Variants in TPD52L1 observed in about 807,000 individuals in gnomAD.
TPD52L1 encodes the protein tumor protein D53.
A neutral mutation model predicts 28.7 loss-of-function variants in TPD52L1; 18 were observed. That is an observed-to-expected ratio of 0.63 (90% CI 0.43 to 0.93). TPD52L1 has a LOEUF of 0.93. Among genes scored for constraint, TPD52L1 ranks in the 40% least tolerant of loss-of-function variants. The pLI is 0.00. For synonymous variants in TPD52L1, 75 were observed against 88.8 expected, an observed-to-expected ratio of 0.84 and a Z score of 0.88; for missense variants, 203 against 254.8, an observed-to-expected ratio of 0.80 and a Z score of 1.39.
At chr6:125,213,876 C>G (rs6569419) in intron 1 of TPD52L1, among the ~76,000 whole-genome samples, 10,157 of 151,974 alleles carry the variant, frequency 0.067, 1,105 homozygotes, top group African/African-American at 0.23. Flanking sequence ...GGTGGCATGC[C>G]CAAAAGGGAT....
chr6:125,239,341 G>T (rs537064096), intron 3 of TPD52L1, among the ~76,000 whole-genome samples: 148 of 152,144 alleles, frequency 9.7e-4, no homozygotes, highest in Non-Finnish European at 1.7e-3. Context: ...CCCAAGATTG[G>T]GTAATTTATA....
At chr6:125,254,677 C>T (rs1387132423) in intron 5 of TPD52L1, among the ~76,000 whole-genome samples, 6 of 152,126 alleles carry the variant, frequency 3.9e-5, no homozygotes, top group East Asian at 1.9e-4. Context: ...TTGAGACCGC[C>T]GAAGCCAAAT....
Position 125,263,226 on chromosome 6 carries a change from A to G in TPD52L1, c.*264A>G. On this transcript the variant is annotated 3_prime_UTR_variant, in exon 7 of 7. Transcript: ENST00000534000. Reference sequence around the variant, plus strand: ...CTTGAGCAGGTACACAACTGGTCATAATTCCTGTCTGTGTAATTCGATGTA... The same window carrying G: ...CTTGAGCAGGTACACAACTGGTCATGATTCCTGTCTGTGTAATTCGATGTA... 6.9e-6 allele frequency: 3 copies of G among 436,232 alleles called. No individual in the cohort carries two copies. The highest frequency in any genetic ancestry group is 1.2e-5 in the Non-Finnish European group (3 of 245,290). The allele number at this position is 436,232 out of a possible 1,614,324, so 27.0% of individuals were successfully genotyped here. A position where few individuals can be genotyped will look rare whatever the true frequency, so the allele number is the denominator to read the frequency against.
chr6:125,244,751 G>T (rs1730633519), intron 3 of TPD52L1, among the ~76,000 whole-genome samples: 1 of 152,112 alleles, frequency 6.6e-6, no homozygotes, highest in East Asian at 1.9e-4. Flanking sequence ...CTTCTTTAAG[G>T]TCCTACACAA....
chr6:125,236,233 T>A (rs2115004715), intron 3 of TPD52L1, among the ~76,000 whole-genome samples: 1 of 152,324 alleles, frequency 6.6e-6, no homozygotes, highest in African/African-American at 2.4e-5. Flanking sequence ...TCTTTAACAC[T>A]GCATTAAACT....
chr6:125,222,835 A>G (rs1795336561), intron 2 of TPD52L1, among the ~76,000 whole-genome samples: 1 of 152,214 alleles, frequency 6.6e-6, no homozygotes, highest in Non-Finnish European at 1.5e-5. Flanking sequence ...ATTCTCTTAC[A>G]CAAACGCCTT....
chr6:125,226,711 C>T (rs1795633207), intron 2 of TPD52L1, among the ~76,000 whole-genome samples: 1 of 151,066 alleles, frequency 6.6e-6, no homozygotes, highest in Non-Finnish European at 1.5e-5. Context: ...ATTTCAGTCA[C>T]TCTAAATGAA....
At chr6:125,225,031 C>T (rs892102697) in intron 2 of TPD52L1, among the ~76,000 whole-genome samples, 4 of 152,142 alleles carry the variant, frequency 2.6e-5, no homozygotes, top group African/African-American at 9.7e-5. Context: ...CTCTGGCAGC[C>T]GCCAGTCTTC....
At chr6:125,182,055 C>T (rs1792231118) in intron 1 of TPD52L1, among the ~76,000 whole-genome samples, 1 of 152,188 alleles carries the variant, frequency 6.6e-6, no homozygotes, top group Admixed American at 6.5e-5. Flanking sequence ...CACAGATGTA[C>T]TTCTCTGCAG....
chr6:125,235,620 G>C (rs954209558), intron 3 of TPD52L1, among the ~76,000 whole-genome samples: 1 of 152,080 alleles, frequency 6.6e-6, no homozygotes, highest in Non-Finnish European at 1.5e-5. Context: ...TGGGGTCTCT[G>C]ATTACTTTGT....
Position 125,231,613 on chromosome 6 carries a change from TTG to T in TPD52L1, c.284+2349_284+2350del, listed in dbSNP as rs1795953097. ...TAGGAAGACAGAGTTTGAGTTTTTG[TTG>T]TTGTTGTTGTTGTTGTTGTTTGTTT... On this transcript the variant is annotated intron_variant, in intron 3 of 6. Coordinates refer to ENST00000534000, the MANE Select transcript of TPD52L1 (RefSeq NM_003287.4). Among the ~76,000 whole-genome samples the T allele has an allele frequency of 1.6e-4, 6 of 37,830 alleles. No homozygotes were observed. The South Asian group carries it at 5.8e-3, about 37-fold the overall frequency. 24.8% of individuals were successfully genotyped at this position (37,830 alleles called of 152,430 possible).
At chr6:125,216,824 G>A (rs1345084424) in intron 1 of TPD52L1, among the ~76,000 whole-genome samples, 3 of 151,918 alleles carry the variant, frequency 2.0e-5, no homozygotes, top group Admixed American at 6.6e-5. Flanking sequence ...GTTTGTTACC[G>A]TGTTGGCAGT....
intron 1 of TPD52L1, among the ~76,000 whole-genome samples, chr6:125,173,366 T>C (rs1791619210): frequency 6.6e-6 from 1 of 152,174 alleles, no homozygotes; most frequent in Non-Finnish European, 1.5e-5. Context: ...CTATTGTAAA[T>C]CTAAATTTTT....
At chr6:125,201,983 G>A (rs1020018851) in intron 1 of TPD52L1, among the ~76,000 whole-genome samples, 2 of 152,138 alleles carry the variant, frequency 1.3e-5, no homozygotes, top group South Asian at 2.1e-4. Flanking sequence ...TTACTGAACC[G>A]ATTTGCTTAA....
rs1798172603 is a variant in TPD52L1, at chr6:125,263,511, ATTTC to A, written c.*553_*556del. ...TGATTTTAATGACTTTGAATTCTTA[ATTTC>A]TTTGTCTTAAAAGTTGCTAGTTATG... On this transcript the variant is annotated 3_prime_UTR_variant, in exon 7 of 7. Transcript: ENST00000534000. The A allele has an allele frequency of 6.6e-6, 1 of 152,240 alleles. No homozygotes were observed. Among genetic ancestry groups the A allele is most frequent in the East Asian group, 1.9e-4 (1 of 5,200 alleles). 9.4% of individuals were successfully genotyped at this position (152,240 alleles called of 1,614,324 possible).
chr6:125,201,216 C>T (rs73771270), intron 1 of TPD52L1, among the ~76,000 whole-genome samples: 9,498 of 151,944 alleles, frequency 0.063, 633 homozygotes, highest in African/African-American at 0.17. Flanking sequence ...TTGTAGAGAA[C>T]GAGAAAAATA....
intron 3 of TPD52L1, among the ~76,000 whole-genome samples, chr6:125,247,897 C>A (rs1200023971): frequency 6.6e-6 from 1 of 152,174 alleles, no homozygotes; most frequent in Non-Finnish European, 1.5e-5. Context: ...AAAACCTAAA[C>A]CTGCATTCTC....
intron 3 of TPD52L1, among the ~76,000 whole-genome samples, chr6:125,240,389 G>C (rs948299478): frequency 6.6e-5 from 10 of 152,098 alleles, no homozygotes; most frequent in Admixed American, 3.3e-4. Flanking sequence ...GATGGGAATT[G>C]CATTGAATCT....
At chr6:125,256,707 A>T (rs970537601) in intron 5 of TPD52L1, among the ~76,000 whole-genome samples, 26 of 152,252 alleles carry the variant, frequency 1.7e-4, no homozygotes, top group African/African-American at 5.8e-4. Context: ...TCCATTGCTT[A>T]CTAAAAAACC....
Sources: allele counts gnomAD v4.1 joint callset (sites outside exome capture counted in the v4.1 genomes callset), GRCh38; gene constraint gnomAD v4.1.1; transcripts MANE v1.5; gene names NCBI Gene and HGNC (gene_info 2026-07-23, HGNC 2026-07-21).